Variants in EIF3E observed in about 807,000 individuals in gnomAD.
The protein encoded by EIF3E is eIF-3 p48.
A neutral mutation model predicts 59.3 loss-of-function variants in EIF3E; 25 were observed. The observed-to-expected ratio is 0.42, with a 90% CI of 0.31 to 0.59. EIF3E has a LOEUF of 0.59. Among genes scored for constraint, EIF3E ranks in the 20% least tolerant of loss-of-function variants. The probability of loss-of-function intolerance (pLI) is 0.15; values close to 1 mark genes in which losing one functional copy is unlikely to be tolerated. For synonymous variants in EIF3E, 176 were observed against 170.2 expected (o/e 1.03, Z -0.26); for missense variants, 317 against 534.3 (o/e 0.59, Z 4.01).
Position 108,203,476 on chromosome 8 carries a change from A to G in EIF3E, c.1089T>C (p.Thr363=). The G allele has an allele frequency of 3.7e-6, 6 of 1,612,732 alleles. No homozygotes were observed. The highest frequency in any genetic ancestry group is 5.1e-6 in the Non-Finnish European group (6 of 1,179,034). The stretch of plus-strand genomic sequence containing the variant: ...CAATCCACCTTTCAGCTTCTTCTGG[A>G]GTCATGTTCAATTTATCTGCCAACA... ...INMLADKLNM[T]PEEAERWIVN... The change falls in exon 11 of 13, where the codon ACT becomes ACC. Residue 363 remains threonine (T), a synonymous_variant. Transcript: ENST00000220849.
intron 12 of EIF3E, 127 bp downstream of exon 12, chr8:108,202,856 T>G: frequency 8.7e-7 from 1 of 1,146,694 alleles, no homozygotes; most frequent in South Asian, 2.5e-5. Flanking sequence ...AGTAATTTCT[T>G]AAAAATGTTC....
chr8:108,231,594 TCAAAGAG>T (rs1263426771), intron 5 of EIF3E, among the ~76,000 whole-genome samples: 1 of 152,112 alleles, frequency 6.6e-6, no homozygotes, highest in Non-Finnish European at 1.5e-5. Context: ...CACTTTTATT[TCAAAGAG>T]CTGCTGAATA....
At chr8:108,245,838 A>C (rs1385923217) in intron 1 of EIF3E, among the ~76,000 whole-genome samples, 1 of 152,240 alleles carries the variant, frequency 6.6e-6, no homozygotes, top group Non-Finnish European at 1.5e-5. Flanking sequence ...TTCTGCTCTC[A>C]TGAAGCTTAT....
At chr8:108,206,155 C>T (rs1416823206) in intron 10 of EIF3E, among the ~76,000 whole-genome samples, 1 of 151,870 alleles carries the variant, frequency 6.6e-6, no homozygotes, top group East Asian at 1.9e-4. Context: ...AACAAAATAC[C>T]AACCGTGTTA....
chr8:108,247,290 A>G (rs913484696), intron 1 of EIF3E, among the ~76,000 whole-genome samples: 5 of 152,216 alleles, frequency 3.3e-5, no homozygotes, highest in Non-Finnish European at 7.3e-5. Context: ...CTAGTTCAGA[A>G]GTACTTCTAC....
At chr8:108,204,137 C>T (rs983593078) in intron 10 of EIF3E, among the ~76,000 whole-genome samples, 1 of 151,876 alleles carries the variant, frequency 6.6e-6, no homozygotes. Flanking sequence ...CCAGGAGGGT[C>T]CTAGAACCAG....
chr8:108,241,540 A>G (rs551557197), intron 2 of EIF3E, among the ~76,000 whole-genome samples: 4 of 152,368 alleles, frequency 2.6e-5, no homozygotes, highest in Admixed American at 1.3e-4. Context: ...AATGTGAATC[A>G]TAAGCACAAC....
At chr8:108,215,343 G>C (rs1005903275) in intron 9 of EIF3E, among the ~76,000 whole-genome samples, 1 of 152,082 alleles carries the variant, frequency 6.6e-6, no homozygotes, top group African/African-American at 2.4e-5. Flanking sequence ...GGGAGGCCAG[G>C]TGCGGTGGCT....
At chr8:108,205,591 T>A (rs908274912) in intron 10 of EIF3E, among the ~76,000 whole-genome samples, 3 of 152,214 alleles carry the variant, frequency 2.0e-5, no homozygotes, top group Non-Finnish European at 2.9e-5. Context: ...AAACAATTGA[T>A]AAGCTTTAAA....
chr8:108,215,134 T>A (rs1366513318), intron 9 of EIF3E, among the ~76,000 whole-genome samples: 2 of 152,132 alleles, frequency 1.3e-5, no homozygotes, highest in African/African-American at 4.8e-5. Context: ...ACAGATGGTG[T>A]AATTAAGAGA....
chr8:108,246,294 G>T (rs958706989), intron 1 of EIF3E, among the ~76,000 whole-genome samples: 1 of 139,514 alleles, frequency 7.2e-6, no homozygotes, highest in South Asian at 2.4e-4. Flanking sequence ...TGGGGGGGGG[G>T]GGCTGCTGTA....
At chr8:108,244,609 C>T (rs773448394) in intron 1 of EIF3E, among the ~76,000 whole-genome samples, 6 of 152,050 alleles carry the variant, frequency 3.9e-5, no homozygotes, top group Admixed American at 3.9e-4. Flanking sequence ...ACCCCTTCCA[C>T]CATTACCATT....
intron 10 of EIF3E, among the ~76,000 whole-genome samples, chr8:108,206,618 TGGCATGGTC>T: frequency 7.0e-6 from 1 of 142,440 alleles, no homozygotes; most frequent in Non-Finnish European, 1.5e-5. Context: ...ACACACACAC[TGGCATGGTC>T]GCACAGACAC....
intron 10 of EIF3E, among the ~76,000 whole-genome samples, chr8:108,206,292 T>G (rs1815099104): frequency 6.6e-6 from 1 of 151,110 alleles, no homozygotes; most frequent in Non-Finnish European, 1.5e-5. Context: ...ATCACTGCAT[T>G]CCAGCATGGG....
chr8:108,228,349 G>A lies in EIF3E; in HGVS notation c.640C>T (p.Leu214Phe). 2 of 1,606,196 alleles carry A rather than the reference G, an allele frequency of 1.2e-6. No homozygotes were observed. The highest frequency in any genetic ancestry group is 1.7e-6 in the Non-Finnish European group (2 of 1,175,962). ...PLQSLQQRTW[L>F]IHWSLFVFFN... ...AAAACAAACAGAGACCAGTGAATGA[G>A]CCATGTTCTCTGCTGAAGAGACTGA... Residue 214 changes from leucine to phenylalanine, a missense_variant, in exon 7 of 13, where the codon CTC (leucine) becomes TTC (phenylalanine). Leu to Phe is a conservative substitution (Grantham distance 22). Coordinates refer to ENST00000220849, the MANE Select transcript of EIF3E (RefSeq NM_001568.3).
intron 10 of EIF3E, among the ~76,000 whole-genome samples, chr8:108,207,332 T>A (rs1260591591): frequency 1.3e-5 from 2 of 152,098 alleles, no homozygotes; most frequent in Non-Finnish European, 2.9e-5. Context: ...AAAAAAGGAC[T>A]AATAGAAATC....
intron 9 of EIF3E, 26 bp downstream of exon 9, chr8:108,216,386 G>A (rs769950035): frequency 2.3e-5 from 35 of 1,545,426 alleles, no homozygotes; most frequent in Non-Finnish European, 2.9e-5. Context: ...AATAGTATTA[G>A]TTTATAAATA....
chr8:108,203,107 A>G lies in EIF3E; in HGVS notation c.1175T>C (p.Val392Ala). The G allele has an allele frequency of 6.2e-7, 1 of 1,611,724 alleles. No individual in the cohort carries two copies. Among genetic ancestry groups the G allele is most frequent in the Non-Finnish European group, 8.5e-7 (1 of 1,178,830 alleles). Residue 392 changes from valine to alanine, a missense_variant, in exon 12 of 13, where the codon GTT (valine) becomes GCT (alanine). Physicochemically the swap from Val to Ala is moderately conservative, Grantham distance 64 (BLOSUM62 0). Around this residue, in one of 4 missense-constraint regions of EIF3E, gnomAD observed 45 missense variants for 97.8 expected, o/e 0.46. Coordinates refer to ENST00000220849, the MANE Select transcript of EIF3E (RefSeq NM_001568.3). Reference sequence around the variant, plus strand: ...GGGTGAGACTGCATTGTTACCCATAACCACATGACCCTAAAAGGAAACACA... The same window carrying G: ...GGGTGAGACTGCATTGTTACCCATAGCCACATGACCCTAAAAGGAAACACA... ...AKIDSKLGHV[V>A]MGNNAVSPYQ...
intron 10 of EIF3E, among the ~76,000 whole-genome samples, chr8:108,210,928 A>AT (rs1460599463): frequency 6.6e-6 from 1 of 152,116 alleles, no homozygotes. Context: ...ACATGAACTC[A>AT]TCATTTTTTA....
Sources: allele counts gnomAD v4.1 joint callset (sites outside exome capture counted in the v4.1 genomes callset), GRCh38; gene constraint gnomAD v4.1.1; regional missense constraint gnomAD v4.1.1; transcripts MANE v1.5; gene names NCBI Gene and HGNC (gene_info 2026-07-23, HGNC 2026-07-21).